KCNH1: variants seen among roughly 807,000 people sequenced by gnomAD.
KCNH1 encodes potassium voltage-gated channel subfamily H member 1, also known as voltage-gated delayed rectifier potassium channel KCNH1.
A neutral mutation model predicts 69.2 loss-of-function variants in KCNH1; 27 were observed. That is an observed-to-expected ratio of 0.39 (90% CI 0.29 to 0.54). The LOEUF is 0.54. Ranked by LOEUF, KCNH1 falls within the 20% of genes least tolerant of loss-of-function variation. KCNH1 has a pLI of 0.68. For synonymous variants in KCNH1, 456 were observed against 487.7 expected (o/e 0.93, Z 0.86); for missense variants, 798 against 1,261.6 (o/e 0.63, Z 5.57).
At chr1:210,889,971 A>G (rs1038032674) in intron 7 of KCNH1, among the ~76,000 whole-genome samples, 2 of 152,216 alleles carry the variant, frequency 1.3e-5, no homozygotes, top group East Asian at 3.8e-4. Context: ...ATACTGCCCA[A>G]AGTAATTCAT....
At chr1:211,101,044 C>T (rs1691248334) in intron 3 of KCNH1, among the ~76,000 whole-genome samples, 1 of 152,202 alleles carries the variant, frequency 6.6e-6, no homozygotes, top group Non-Finnish European at 1.5e-5. Context: ...CTTTGTCTAA[C>T]TCCCCTCTAT....
At chr1:210,881,779 T>G (rs975589975) in intron 7 of KCNH1, among the ~76,000 whole-genome samples, 2 of 152,176 alleles carry the variant, frequency 1.3e-5, no homozygotes, top group Non-Finnish European at 2.9e-5. Context: ...GAAGCCAATA[T>G]GAAAAGGTTA....
intron 7 of KCNH1, among the ~76,000 whole-genome samples, chr1:210,872,148 C>T (rs1384886220): frequency 2.0e-5 from 2 of 101,320 alleles, no homozygotes; most frequent in Non-Finnish European, 4.1e-5. Context: ...GGGAAGAGCA[C>T]CAAAAAAAAA....
chr1:210,743,751 G>T (rs1683088404), intron 10 of KCNH1, among the ~76,000 whole-genome samples: 1 of 152,210 alleles, frequency 6.6e-6, no homozygotes, highest in African/African-American at 2.4e-5. Flanking sequence ...AGAGTTGGAA[G>T]TGACTCTACT....
chr1:211,113,876 G>T (rs1472126435), intron 1 of KCNH1, among the ~76,000 whole-genome samples: 1 of 152,010 alleles, frequency 6.6e-6, no homozygotes, highest in African/African-American at 2.4e-5. Flanking sequence ...GGGGAGGACG[G>T]TGAGTCAGGC....
rs553486190 is a variant in KCNH1 at position 211,102,793 on chromosome 1, G to A, written c.310+703C>T. Among the ~76,000 whole-genome samples the A allele has an allele frequency of 3.9e-5, 6 of 152,258 alleles. 1 individual carries two copies. The highest frequency in any genetic ancestry group is 6.8e-3 in the Middle Eastern group (2 of 294). On this transcript the variant is annotated intron_variant, in intron 3 of 10. Transcript: ENST00000271751. ...TCAATTTCCTACCAGTCAATCCTAC[G>A]TATAAAGAACAGGACTTCTTACAAA...
At chr1:210,845,614 C>T (rs1441235653) in intron 7 of KCNH1, among the ~76,000 whole-genome samples, 1 of 152,172 alleles carries the variant, frequency 6.6e-6, no homozygotes, top group African/African-American at 2.4e-5. Context: ...AAACCCACAG[C>T]CAATATCACA....
At chr1:211,106,339 G>A (rs545619467) in intron 2 of KCNH1, among the ~76,000 whole-genome samples, 9 of 152,292 alleles carry the variant, frequency 5.9e-5, no homozygotes, top group African/African-American at 1.4e-4. Flanking sequence ...CTAACACCAC[G>A]GCCCAAGGAC....
chr1:211,044,931 T>A (rs184030452), intron 5 of KCNH1, among the ~76,000 whole-genome samples: 1 of 151,600 alleles, frequency 6.6e-6, no homozygotes, highest in African/African-American at 2.4e-5. Context: ...GAAGTCATTA[T>A]ATAAAAAGGA....
intron 5 of KCNH1, among the ~76,000 whole-genome samples, chr1:211,079,165 A>C (rs1463044478): frequency 3.3e-5 from 5 of 152,180 alleles, no homozygotes; most frequent in Non-Finnish European, 7.4e-5. Context: ...AATACAAACT[A>C]CCATCAGAGA....
intron 7 of KCNH1, among the ~76,000 whole-genome samples, chr1:210,852,012 G>T (rs1342130836): frequency 6.6e-6 from 1 of 152,212 alleles, no homozygotes; most frequent in Non-Finnish European, 1.5e-5. Flanking sequence ...ACTAACAGAA[G>T]AGAAAGAGAG....
Position 210,963,370 on chromosome 1 carries a change from T to C in KCNH1, c.1033-43301A>G, listed in dbSNP as rs373198575. Among the ~76,000 whole-genome samples the C allele has an allele frequency of 1.0e-3, 135 of 133,276 alleles. 1 individual carries two copies. The highest frequency in any genetic ancestry group is 2.3e-3 in the Admixed American group (32 of 13,818). 87.4% of individuals were successfully genotyped at this position (133,276 alleles called of 152,430 possible). ...ACACTGAAAATTCCAAAAAGCAGAA[T>C]GCCTCTTCTCCTCCAAAGGATCACA... On this transcript the variant is annotated intron_variant, in intron 6 of 10. Transcript: ENST00000271751.
At chr1:210,730,084 C>G (rs895778880) in intron 10 of KCNH1, among the ~76,000 whole-genome samples, 4 of 152,158 alleles carry the variant, frequency 2.6e-5, no homozygotes, top group Non-Finnish European at 5.9e-5. Context: ...GGTCAGTGGT[C>G]TTGTTTTCCA....
At chr1:210,835,152 C>T (rs898438857) in intron 7 of KCNH1, among the ~76,000 whole-genome samples, 1 of 152,148 alleles carries the variant, frequency 6.6e-6, no homozygotes, top group African/African-American at 2.4e-5. Context: ...CAAATCCTTT[C>T]TGTGTATGTT....
At chr1:211,024,324 G>C (rs1481747293) in intron 5 of KCNH1, among the ~76,000 whole-genome samples, 1 of 152,212 alleles carries the variant, frequency 6.6e-6, no homozygotes, top group Non-Finnish European at 1.5e-5. Context: ...TGACAACAAA[G>C]AATCAGCCAT....
At chr1:210,994,253 C>G (rs1056571665) in intron 6 of KCNH1, among the ~76,000 whole-genome samples, 2 of 152,064 alleles carry the variant, frequency 1.3e-5, no homozygotes, top group Non-Finnish European at 2.9e-5. Context: ...TTCTTACTAT[C>G]TCATGTGATC....
chr1:210,692,831 A>G (rs2149006090), intron 10 of KCNH1, among the ~76,000 whole-genome samples: 1 of 152,330 alleles, frequency 6.6e-6, no homozygotes, highest in Admixed American at 6.5e-5. Context: ...CCAAGGCAGT[A>G]GACAACTTTA....
chr1:210,919,812 G>A lies in KCNH1; in HGVS notation c.1290C>T (p.Tyr430=). The change falls in exon 7 of 11, where the codon TAC becomes TAT. Residue 430 remains tyrosine (Y), a synonymous_variant. Coordinates refer to ENST00000271751, the MANE Select transcript of KCNH1 (RefSeq NM_172362.3). The surrounding 1 kb of genome is among the most constrained non-coding windows in gnomAD (Gnocchi z 4.2). ...YQLAMDIGTP[Y]QFNGSGSGKW... Reference sequence around the variant, plus strand: ...TCCCTGAGCCAGACCCATTAAACTGGTAAGGGGTGCCAATGTCCATCGCTA... The same window carrying A: ...TCCCTGAGCCAGACCCATTAAACTGATAAGGGGTGCCAATGTCCATCGCTA... 6.2e-7 allele frequency: 1 copy of A among 1,614,168 alleles called. No individual in the cohort carries two copies. Among genetic ancestry groups the A allele is most frequent in the Non-Finnish European group, 8.5e-7 (1 of 1,180,008 alleles).
intron 5 of KCNH1, among the ~76,000 whole-genome samples, chr1:211,020,912 A>C (rs1358332392): frequency 6.7e-6 from 1 of 150,374 alleles, no homozygotes; most frequent in African/African-American, 2.5e-5. Context: ...GATGCAGAAA[A>C]AGCATTTGAT....
Sources: gnomAD v4.1 joint callset for allele counts (sites outside exome capture counted in the v4.1 genomes callset) on GRCh38, gnomAD v4.1.1 for gene constraint, Gnocchi (gnomAD v3.1) non-coding constraint, MANE v1.5 for transcripts, NCBI Gene and HGNC (gene_info 2026-07-23, HGNC 2026-07-21) for gene names.